The following SGCZ variants were observed in gnomAD, a reference collection of about 807,000 sequenced individuals.
SGCZ encodes the protein sarcoglycan zeta.
A neutral mutation model predicts 41.3 loss-of-function variants in SGCZ; 40 were observed. The ratio of observed to expected loss-of-function variants is 0.97; its 90% confidence interval spans 0.75 to 1.26. The LOEUF (loss-of-function observed/expected upper bound fraction) is 1.26. Ranked by LOEUF, SGCZ falls within the 50% of genes most tolerant of loss-of-function variation. The pLI is 0.00. For missense variants in SGCZ, 552 were observed against 369.8 expected, an observed-to-expected ratio of 1.49 and a Z score of -4.04; for synonymous variants, 206 against 137.5, an observed-to-expected ratio of 1.50 and a Z score of -3.49.
chr8:14,139,290 A>T (rs1803295311), intron 5 of SGCZ, among the ~76,000 whole-genome samples: 1 of 152,192 alleles, frequency 6.6e-6, no homozygotes, highest in Admixed American at 6.5e-5. Context: ...AGAACTAGAG[A>T]AGCAAGAGCA....
chr8:14,755,251 G>T (rs1243071495), intron 1 of SGCZ, among the ~76,000 whole-genome samples: 1 of 151,952 alleles, frequency 6.6e-6, no homozygotes, highest in Non-Finnish European at 1.5e-5. Context: ...AACAGCATTT[G>T]TTTGCTGTTT....
intron 7 of SGCZ, among the ~76,000 whole-genome samples, chr8:14,095,889 A>C (rs1358528389): frequency 6.6e-6 from 1 of 151,918 alleles, no homozygotes; most frequent in Non-Finnish European, 1.5e-5. Context: ...TTGACTCATG[A>C]TTTGACTCCC....
intron 1 of SGCZ, among the ~76,000 whole-genome samples, chr8:15,185,955 TG>T (rs1443523315): frequency 6.6e-6 from 1 of 150,518 alleles, no homozygotes; most frequent in East Asian, 2.0e-4. Context: ...CTGGGCGCGG[TG>T]GCTCACGTCT....
intron 1 of SGCZ, among the ~76,000 whole-genome samples, chr8:15,119,066 T>C (rs1461462638): frequency 6.6e-6 from 1 of 152,162 alleles, no homozygotes; most frequent in African/African-American, 2.4e-5. Context: ...AATTTGATAC[T>C]TTTTTCAGAG....
intron 1 of SGCZ, among the ~76,000 whole-genome samples, chr8:14,766,679 A>T (rs1368281905): frequency 1.3e-5 from 2 of 150,790 alleles, no homozygotes; most frequent in African/African-American, 4.9e-5. Flanking sequence ...CTTTCACCGC[A>T]GCCTCCCAAG....
At chr8:14,448,677 T>C (rs1037952920) in intron 2 of SGCZ, among the ~76,000 whole-genome samples, 1 of 141,132 alleles carries the variant, frequency 7.1e-6, no homozygotes, top group Non-Finnish European at 1.5e-5. Flanking sequence ...AGTTCATAAA[T>C]GTTCTTAGAA....
Position 14,461,672 on chromosome 8 carries a change from A to G in SGCZ, c.234+93060T>C, listed in dbSNP as rs76558181. ...CTGCTGCAAAACTCTTCTACAAACC[A>G]TGCAGAAAGACTTTAGACTAGCAAG... On this transcript the variant is annotated intron_variant, in intron 2 of 7. Coordinates refer to ENST00000382080, the MANE Select transcript of SGCZ (RefSeq NM_139167.4). 5.3e-3 allele frequency among the ~76,000 whole-genome samples: 811 copies of G among 152,252 alleles called. 6 individuals carry two copies. The highest frequency in any genetic ancestry group is 9.5e-3 in the Non-Finnish European group (648 of 67,996).
chr8:14,459,125 G>C (rs1432543678), intron 2 of SGCZ, among the ~76,000 whole-genome samples: 1 of 152,080 alleles, frequency 6.6e-6, no homozygotes, highest in Non-Finnish European at 1.5e-5. Flanking sequence ...ATTCTACATG[G>C]ATGAAGCTGG....
chr8:14,369,305 G>A (rs1803826874), intron 2 of SGCZ, among the ~76,000 whole-genome samples: 1 of 151,634 alleles, frequency 6.6e-6, no homozygotes, highest in South Asian at 2.1e-4. Context: ...AACCTTTTTT[G>A]TCTTCATGAC....
chr8:14,413,885 T>A, intron 2 of SGCZ, among the ~76,000 whole-genome samples: 1 of 152,032 alleles, frequency 6.6e-6, no homozygotes. Flanking sequence ...TATCCAGTCA[T>A]CTAGAACTCT....
chr8:15,005,896 T>A (rs924853164), intron 1 of SGCZ, among the ~76,000 whole-genome samples: 153 of 152,360 alleles, frequency 1.0e-3, no homozygotes, highest in Non-Finnish European at 1.9e-4. Flanking sequence ...CTGTGCTATT[T>A]TATTTTAATT....
At chr8:14,404,564 C>T (rs1306640733) in intron 2 of SGCZ, among the ~76,000 whole-genome samples, 1 of 152,198 alleles carries the variant, frequency 6.6e-6, no homozygotes, top group African/African-American at 2.4e-5. Context: ...TTAGATGTTG[C>T]GTTATTTTTC....
chr8:14,453,017 C>G (rs538834803), intron 2 of SGCZ, among the ~76,000 whole-genome samples: 2 of 152,016 alleles, frequency 1.3e-5, no homozygotes, highest in East Asian at 3.9e-4. Context: ...GCACAAGAAT[C>G]GCTTGAACCC....
intron 2 of SGCZ, among the ~76,000 whole-genome samples, chr8:14,458,855 A>G (rs776739097): frequency 8.5e-5 from 13 of 152,084 alleles, no homozygotes; most frequent in South Asian, 2.1e-4. Context: ...AAACAAACAA[A>G]CAACACCATT....
intron 2 of SGCZ, among the ~76,000 whole-genome samples, chr8:14,493,184 A>G (rs1386990792): frequency 1.3e-5 from 2 of 151,970 alleles, no homozygotes; most frequent in Non-Finnish European, 2.9e-5. Flanking sequence ...AGAGTCCAAA[A>G]TAGTGTTCAA....
intron 7 of SGCZ, among the ~76,000 whole-genome samples, chr8:14,099,130 A>C (rs1801933458): frequency 6.6e-6 from 1 of 152,180 alleles, no homozygotes; most frequent in African/African-American, 2.4e-5. Flanking sequence ...AGGGGCTGCT[A>C]TATATTGATT....
At chr8:14,108,403 G>A (rs760967983) in intron 5 of SGCZ, among the ~76,000 whole-genome samples, 168 bp from the exon 6 acceptor site, 3 of 152,168 alleles carry the variant, frequency 2.0e-5, no homozygotes, top group South Asian at 2.1e-4. Flanking sequence ...CCGAGACTGA[G>A]AAGAAAAAGA....
At chr8:14,546,489 C>T (rs1803632038) in intron 2 of SGCZ, among the ~76,000 whole-genome samples, 2 of 152,100 alleles carry the variant, frequency 1.3e-5, no homozygotes, top group South Asian at 4.1e-4. Context: ...TATAAAGGTG[C>T]CATTAATAAA....
chr8:14,852,231 T>G (rs1172075270), intron 1 of SGCZ, among the ~76,000 whole-genome samples: 5 of 152,204 alleles, frequency 3.3e-5, no homozygotes, highest in Admixed American at 3.3e-4. Flanking sequence ...CTGTAAATAT[T>G]TGGAGCATGT....
Sources: gnomAD v4.1 joint callset for allele counts (sites outside exome capture counted in the v4.1 genomes callset) on GRCh38, gnomAD v4.1.1 for gene constraint, MANE v1.5 for transcripts, NCBI Gene and HGNC (gene_info 2026-07-23, HGNC 2026-07-21) for gene names.